Variants in NKAIN2 observed in about 807,000 individuals in gnomAD.
NKAIN2 encodes sodium/potassium-transporting ATPase subunit beta-1-interacting protein 2.
In NKAIN2, 14 loss-of-function variants were observed where a neutral mutation model predicts 32.6. The observed-to-expected ratio is 0.43, with a 90% CI of 0.28 to 0.67. The LOEUF (loss-of-function observed/expected upper bound fraction) is 0.67, where lower values mean the gene tolerates loss of function less well. NKAIN2 is among the 30% of genes least tolerant of loss of function. The pLI, the probability that NKAIN2 is intolerant of heterozygous loss-of-function variation, is 0.17. For synonymous variants in NKAIN2, 80 were observed against 87.2 expected (o/e 0.92, Z 0.46); for missense variants, 198 against 258.3 (o/e 0.77, Z 1.60).
chr6:123,812,758 T>TA (rs760078451), intron 1 of NKAIN2, among the ~76,000 whole-genome samples: 19 of 152,202 alleles, frequency 1.2e-4, no homozygotes, highest in Non-Finnish European at 2.5e-4. Context: ...AGAATCCTCA[T>TA]ACTGACTTTT....
chr6:124,522,504 G>T (rs373505654), intron 3 of NKAIN2, among the ~76,000 whole-genome samples: 1 of 152,152 alleles, frequency 6.6e-6, no homozygotes, highest in Non-Finnish European at 1.5e-5. Context: ...TCAGTGAATG[G>T]ATGTTGCCAT....
intron 4 of NKAIN2, among the ~76,000 whole-genome samples, chr6:124,709,263 G>C (rs1306448137): frequency 1.3e-5 from 2 of 148,956 alleles, no homozygotes; most frequent in South Asian, 4.3e-4. Flanking sequence ...GAGGATTTTT[G>C]CATCAATGTT....
chr6:124,692,520 A>C (rs766074467), intron 4 of NKAIN2, among the ~76,000 whole-genome samples: 1 of 152,194 alleles, frequency 6.6e-6, no homozygotes, highest in African/African-American at 2.4e-5. Flanking sequence ...ACATATAAAA[A>C]TTACGTAACA....
chr6:124,753,099 T>C lies in NKAIN2; in HGVS notation c.475-38240T>C, dbSNP rs545655279. On this transcript the variant is annotated intron_variant, in intron 4 of 6. Transcript: ENST00000368417. The stretch of plus-strand genomic sequence containing the variant: ...TATCAGTGTGAAATTCTGTTGTACT[T>C]GTCATTTCTCAGTTAATTAAGCCAG... Among the ~76,000 whole-genome samples, 266 of 152,244 alleles carry C rather than the reference T, an allele frequency of 1.7e-3. 3 individuals are homozygous for C. Among genetic ancestry groups the C allele is most frequent in the African/African-American group, 5.9e-3 (246 of 41,566 alleles).
At chr6:124,668,434 A>G (rs1772924769) in intron 4 of NKAIN2, among the ~76,000 whole-genome samples, 1 of 152,054 alleles carries the variant, frequency 6.6e-6, no homozygotes, top group Non-Finnish European at 1.5e-5. Flanking sequence ...ATAAATAGAG[A>G]CTATTCCTTT....
At position 124,231,887 on chromosome 6, in the gene NKAIN2, G is replaced by T. The variant is rs561186965; in HGVS notation, c.55-51118G>T. On this transcript the variant is annotated intron_variant, in intron 1 of 6. Coordinates refer to ENST00000368417, the MANE Select transcript of NKAIN2 (RefSeq NM_001040214.3). Reference sequence around the variant, plus strand: ...CATATATATATACTTGCACATATAAGTATATATCTAAAAAGAATATTCAAA... The same window carrying T: ...CATATATATATACTTGCACATATAATTATATATCTAAAAAGAATATTCAAA... 3.3e-5 allele frequency among the ~76,000 whole-genome samples: 5 copies of T among 151,370 alleles called. No individual in the cohort carries two copies. In the South Asian group the frequency reaches 1.0e-3, roughly 32 times the overall value.
chr6:124,152,283 A>G (rs537825778), intron 1 of NKAIN2, among the ~76,000 whole-genome samples: 10 of 151,950 alleles, frequency 6.6e-5, no homozygotes, highest in Non-Finnish European at 1.5e-4. Context: ...GTCAAATTCT[A>G]GTTTCTCTAT....
At chr6:124,499,647 G>A (rs1778206119) in intron 3 of NKAIN2, among the ~76,000 whole-genome samples, 1 of 152,158 alleles carries the variant, frequency 6.6e-6, no homozygotes, top group South Asian at 2.1e-4. Flanking sequence ...GATCCCACAA[G>A]ATAAAAGAGA....
At chr6:124,135,168 C>T (rs1382169667) in intron 1 of NKAIN2, among the ~76,000 whole-genome samples, 1 of 151,926 alleles carries the variant, frequency 6.6e-6, no homozygotes, top group Admixed American at 6.6e-5. Context: ...CCAAAATGAA[C>T]CTCCTTGAAC....
At chr6:124,202,345 G>A (rs1274758139) in intron 1 of NKAIN2, among the ~76,000 whole-genome samples, 1 of 151,792 alleles carries the variant, frequency 6.6e-6, no homozygotes, top group African/African-American at 2.4e-5. Flanking sequence ...TCTCACAATT[G>A]GCTTCGATTC....
At chr6:124,782,556 G>T (rs1373224133) in intron 4 of NKAIN2, among the ~76,000 whole-genome samples, 1 of 152,144 alleles carries the variant, frequency 6.6e-6, no homozygotes, top group African/African-American at 2.4e-5. Context: ...TCCTTCCAGT[G>T]AAATTCATGG....
intron 4 of NKAIN2, among the ~76,000 whole-genome samples, chr6:124,749,247 A>T (rs1777598067): frequency 6.6e-6 from 1 of 151,890 alleles, no homozygotes; most frequent in African/African-American, 2.4e-5. Context: ...CTCTGACCCA[A>T]GCTGGGAAAG....
At chr6:124,010,863 A>C (rs958633923) in intron 1 of NKAIN2, among the ~76,000 whole-genome samples, 2 of 152,112 alleles carry the variant, frequency 1.3e-5, no homozygotes, top group Non-Finnish European at 2.9e-5. Context: ...AATGGCAAGG[A>C]CTGGGGTTTT....
chr6:124,204,658 T>C (rs1185833019), intron 1 of NKAIN2, among the ~76,000 whole-genome samples: 1 of 151,760 alleles, frequency 6.6e-6, no homozygotes, highest in Non-Finnish European at 1.5e-5. Flanking sequence ...GAAGTATATT[T>C]TAATATAAGA....
At chr6:124,803,550 T>C (rs1470694433) in intron 5 of NKAIN2, among the ~76,000 whole-genome samples, 1 of 152,222 alleles carries the variant, frequency 6.6e-6, no homozygotes, top group Non-Finnish European at 1.5e-5. Flanking sequence ...TTCAGTTCTA[T>C]GTAATTTTTT....
At chr6:123,886,531 A>G (rs1408903335) in intron 1 of NKAIN2, among the ~76,000 whole-genome samples, 1 of 152,146 alleles carries the variant, frequency 6.6e-6, no homozygotes, top group Non-Finnish European at 1.5e-5. Context: ...TTCATCTGGA[A>G]CTATGAATTT....
intron 1 of NKAIN2, among the ~76,000 whole-genome samples, chr6:123,919,708 C>T (rs1328443796): frequency 2.0e-5 from 3 of 151,980 alleles, no homozygotes; most frequent in Non-Finnish European, 1.5e-5. Flanking sequence ...TTTTATAATG[C>T]CCCAGCATTT....
chr6:124,682,487 T>A (rs549517735), intron 4 of NKAIN2, among the ~76,000 whole-genome samples: 14 of 152,292 alleles, frequency 9.2e-5, no homozygotes, highest in Non-Finnish European at 1.9e-4. Context: ...TGACGTGAAG[T>A]ACTGACAGTA....
intron 3 of NKAIN2, among the ~76,000 whole-genome samples, chr6:124,616,176 A>T (rs749798135): frequency 6.6e-6 from 1 of 151,956 alleles, no homozygotes; most frequent in African/African-American, 2.4e-5. Flanking sequence ...TGCATGTTTT[A>T]TACACTACAT....
Sources: allele counts gnomAD v4.1 joint callset (sites outside exome capture counted in the v4.1 genomes callset), GRCh38; gene constraint gnomAD v4.1.1; transcripts MANE v1.5; gene names NCBI Gene and HGNC (gene_info 2026-07-23, HGNC 2026-07-21).